DYSF: variants seen among roughly 807,000 people sequenced by gnomAD.
The protein encoded by DYSF is dysferlin.
In DYSF, 212 loss-of-function variants were observed where a neutral mutation model predicts 274.9. The ratio of observed to expected loss-of-function variants is 0.77; its 90% CI spans 0.69 to 0.86. DYSF has a LOEUF of 0.86. Ranked by LOEUF, DYSF falls within the 40% of genes least tolerant of loss-of-function variation. The pLI is 0.00. For missense variants in DYSF, 2,666 were observed against 2,783.2 expected (o/e 0.96, Z 0.95); for synonymous variants, 1,091 against 1,078.7 (o/e 1.01, Z -0.22).
At chr2:71,667,719 C>T (rs980810585) in intron 48 of DYSF, among the ~76,000 whole-genome samples, 2 of 152,172 alleles carry the variant, frequency 1.3e-5, no homozygotes, top group African/African-American at 2.4e-5. Context: ...CTGCCTCCAT[C>T]CCTCAGGGCC....
Position 71,520,270 on chromosome 2 carries a change from C to G in DYSF, c.1033+62C>G, listed in dbSNP as rs145945056. The G allele has an allele frequency of 1.9e-6, 3 of 1,570,312 alleles. No individual in the cohort carries two copies. In the East Asian group the frequency reaches 6.7e-5, roughly 35 times the overall value. On this transcript the variant is annotated intron_variant, in intron 11 of 55. Transcript: ENST00000410020. ...TGGTTCTGGAGGCTGATTGGGGACACTCATTTGGGGTCCTCACTGTCCCTC... is the reference window on the plus strand; with the variant it reads ...TGGTTCTGGAGGCTGATTGGGGACAGTCATTTGGGGTCCTCACTGTCCCTC...
intron 50 of DYSF, 100 bp downstream of exon 50, chr2:71,669,307 G>C: frequency 9.0e-7 from 1 of 1,115,984 alleles, no homozygotes; most frequent in Non-Finnish European, 1.3e-6. Flanking sequence ...GGGAAGGGAA[G>C]AACAAACAAA....
chr2:71,611,190 T>G, intron 36 of DYSF, 55 bp from the exon 37 acceptor site: 1 of 1,318,700 alleles, frequency 7.6e-7, no homozygotes, highest in Non-Finnish European at 1.1e-6. Flanking sequence ...CTCTTGTCTT[T>G]TTGCCTTGGT....
upstream of DYSF, among the ~76,000 whole-genome samples, chr2:71,462,314 A>G (rs1414449196): frequency 6.6e-6 from 1 of 152,176 alleles, no homozygotes; most frequent in African/African-American, 2.4e-5. Flanking sequence ...TGGGCCAGGC[A>G]TACTGGAAGG....
intron 41 of DYSF, among the ~76,000 whole-genome samples, chr2:71,636,138 G>A (rs1188415703): frequency 6.6e-6 from 1 of 152,182 alleles, no homozygotes; most frequent in Admixed American, 6.5e-5. Flanking sequence ...AAGGACGTGA[G>A]GTCAGGGAGG....
intron 32 of DYSF, among the ~76,000 whole-genome samples, chr2:71,590,861 A>G (rs2093243284): frequency 6.6e-6 from 1 of 152,088 alleles, no homozygotes; most frequent in South Asian, 2.1e-4. Flanking sequence ...TCCCTCTCAG[A>G]TCTGTTCCCT....
intron 55 of DYSF, among the ~76,000 whole-genome samples, chr2:71,683,077 G>T (rs1450842355): frequency 6.6e-6 from 1 of 152,198 alleles, no homozygotes. Context: ...AGCAGAGAAG[G>T]TCCCTTTGTC....
At chr2:71,565,991 G>A (rs1334671452) in intron 24 of DYSF, among the ~76,000 whole-genome samples, 1 of 152,232 alleles carries the variant, frequency 6.6e-6, no homozygotes, top group East Asian at 1.9e-4. Flanking sequence ...GTGTGAGTGA[G>A]TGTGTCTGTG....
chr2:71,686,423 C>T (rs1558832795), intron 55 of DYSF, 31 bp from the exon 56 acceptor site: 1 of 1,613,674 alleles, frequency 6.2e-7, no homozygotes, highest in Non-Finnish European at 8.5e-7. Flanking sequence ...AGTGGGATCA[C>T]CATGGGTCCC....
chr2:71,469,291 G>A (rs1031842436), intron 1 of DYSF, among the ~76,000 whole-genome samples: 4 of 152,154 alleles, frequency 2.6e-5, no homozygotes, highest in Admixed American at 1.3e-4. Context: ...AGGCTGGGGG[G>A]ACTCAACTCT....
chr2:71,542,775 C>A (rs1454883905), intron 17 of DYSF, among the ~76,000 whole-genome samples: 1 of 152,340 alleles, frequency 6.6e-6, no homozygotes, highest in Admixed American at 6.5e-5. Context: ...CCACTTCTCT[C>A]CACACAGACA....
At chr2:71,664,570 GA>G in intron 46 of DYSF, 132 bp downstream of exon 46, 27 of 1,080,164 alleles carry the variant, frequency 2.5e-5, no homozygotes, top group Non-Finnish European at 3.3e-5. Context: ...TTCTCTCATT[GA>G]GTCCAATGGG....
chr2:71,484,881 T>C (rs2083243428), intron 3 of DYSF, among the ~76,000 whole-genome samples: 1 of 152,176 alleles, frequency 6.6e-6, no homozygotes, highest in Admixed American at 6.5e-5. Context: ...AGAGGTCATA[T>C]GGGGAACGGG....
intron 40 of DYSF, among the ~76,000 whole-genome samples, chr2:71,618,567 T>TGTGTGGGGTACAG (rs2093995870): frequency 8.0e-4 from 12 of 14,928 alleles, no homozygotes; most frequent in Admixed American, 1.9e-3. Flanking sequence ...GGAGTGTGTG[T>TGTGTGGGGTACAG]TTGTGTGGGG....
chr2:71,595,417 G>A (rs200825254), intron 32 of DYSF, among the ~76,000 whole-genome samples: 3 of 152,180 alleles, frequency 2.0e-5, no homozygotes, highest in East Asian at 1.9e-4. Flanking sequence ...ATGGCCGAGC[G>A]ACTTGGTCTT....
chr2:71,557,114 T>C (rs1389709915), intron 22 of DYSF, among the ~76,000 whole-genome samples: 1 of 152,154 alleles, frequency 6.6e-6, no homozygotes, highest in Non-Finnish European at 1.5e-5. Flanking sequence ...GCAGGCTCAG[T>C]GCCAGATGCC....
intron 32 of DYSF, among the ~76,000 whole-genome samples, chr2:71,592,222 A>G (rs1281334102): frequency 6.6e-6 from 1 of 151,560 alleles, no homozygotes; most frequent in Non-Finnish European, 1.5e-5. Context: ...AGGGGAGGGA[A>G]CTCCTCCAAG....
rs140341988 is a variant in DYSF at position 71,679,118 on chromosome 2, C to G, written c.5946C>G (p.Ser1982=). 7.4e-5 allele frequency: 119 copies of G among 1,613,900 alleles called. No homozygotes were observed. The highest frequency in any genetic ancestry group is 1.0e-4 in the Non-Finnish European group (119 of 1,179,970). The stretch of plus-strand genomic sequence containing the variant: ...CAGCCAAGACAGCCAAGAAGTGCTC[C>G]TTGGACCAGCTGGATGATGCTTTCC... The part of the protein sequence containing the change: ...PKPAKTAKKC[S]LDQLDDAFHP... The change falls in exon 53 of 56, where the codon TCC becomes TCG. Residue 1982 remains serine (S), a synonymous_variant. Transcript: ENST00000410020.
chr2:71,569,473 A>T (rs2152813343), intron 26 of DYSF, among the ~76,000 whole-genome samples: 1 of 152,328 alleles, frequency 6.6e-6, no homozygotes, highest in Middle Eastern at 3.4e-3. Context: ...AACATATTAT[A>T]CAGTCAAGCA....
Sources: gnomAD v4.1 joint callset for allele counts (sites outside exome capture counted in the v4.1 genomes callset) on GRCh38, gnomAD v4.1.1 for gene constraint, MANE v1.5 for transcripts, NCBI Gene and HGNC (gene_info 2026-07-23, HGNC 2026-07-21) for gene names.